MED13L: variants seen among roughly 807,000 people sequenced by gnomAD.
MED13L encodes the protein mediator complex subunit 13L, also known as mediator of RNA polymerase II transcription subunit 13-like.
In MED13L, 7 loss-of-function variants were observed where a neutral mutation model predicts 220.9. The observed-to-expected ratio is 0.03, with a 90% CI of 0.02 to 0.06. MED13L has a LOEUF of 0.06. Ranked by LOEUF, MED13L falls within the 10% of genes least tolerant of loss-of-function variation. The pLI is 1.00. For missense variants in MED13L, 1,965 were observed against 2,760.5 expected (o/e 0.71, Z 6.46); for synonymous variants, 1,011 against 1,015.2 (o/e 1.00, Z 0.08).
At chr12:116,140,921 C>T (rs953546305) in intron 2 of MED13L, among the ~76,000 whole-genome samples, 1 of 152,174 alleles carries the variant, frequency 6.6e-6, no homozygotes, top group Non-Finnish European at 1.5e-5. Context: ...ACTATAAATT[C>T]CTTGTCCAAA....
chr12:116,207,235 G>T (rs80330655), intron 2 of MED13L, among the ~76,000 whole-genome samples: 2 of 151,566 alleles, frequency 1.3e-5, no homozygotes, highest in Non-Finnish European at 2.9e-5. Context: ...TCATGGGCTC[G>T]AAAGATTCTC....
chr12:116,010,250 TC>T (rs1468123064), intron 9 of MED13L, among the ~76,000 whole-genome samples: 1 of 152,116 alleles, frequency 6.6e-6, no homozygotes, highest in Non-Finnish European at 1.5e-5. Flanking sequence ...AAACAAACAC[TC>T]CTGAACTTCT....
rs1882674192 is a variant in MED13L, at chr12:116,211,088, T to C, written c.310+26380A>G. Reference sequence around the variant, plus strand: ...CTTCGTGACACTCTAATTATGCCGCTAGCCAGAAGAAAACTTCCCACTGCA... The same window carrying C: ...CTTCGTGACACTCTAATTATGCCGCCAGCCAGAAGAAAACTTCCCACTGCA... On this transcript the variant is annotated intron_variant, in intron 2 of 30. Transcript: ENST00000281928. 2.0e-5 allele frequency among the ~76,000 whole-genome samples: 3 copies of C among 152,186 alleles called. No homozygotes were observed. In the South Asian group the frequency reaches 6.2e-4, roughly 31 times the overall value.
intron 1 of MED13L, among the ~76,000 whole-genome samples, chr12:116,264,648 G>A (rs1478509395): frequency 3.3e-5 from 5 of 151,862 alleles, no homozygotes; most frequent in African/African-American, 9.7e-5. Context: ...TAACACTATC[G>A]GCTGGGTTTT....
intron 2 of MED13L, among the ~76,000 whole-genome samples, chr12:116,192,556 AG>A (rs1199189673): frequency 9.9e-5 from 15 of 152,242 alleles, no homozygotes; most frequent in African/African-American, 3.6e-4. Flanking sequence ...CTAGGGATGC[AG>A]TGCATCCTTA....
At chr12:116,149,686 G>T (rs1593102552) in intron 2 of MED13L, among the ~76,000 whole-genome samples, 1 of 152,152 alleles carries the variant, frequency 6.6e-6, no homozygotes, top group South Asian at 2.1e-4. Context: ...TAAGTAAACA[G>T]GGAGATTAAG....
intron 2 of MED13L, chr12:116,174,548 C>A (rs1016509213): frequency 6.6e-6 from 1 of 151,574 alleles, no homozygotes. Context: ...AAGGTCAAAG[C>A]ATATCTGACT....
chr12:115,987,352 T>C lies in MED13L; in HGVS notation c.3935-64A>G, dbSNP rs557079711. ...GCTAGCACCCTCCTCTTCCTCACCA[T>C]CACCTCGAGCCTCAGTTATATTCAG... On this transcript the variant is annotated intron_variant, in intron 17 of 30. Transcript: ENST00000281928. 6 of 1,446,362 alleles carry C rather than the reference T, an allele frequency of 4.1e-6. No homozygotes were observed. The East Asian group carries it at 1.2e-4, about 29-fold the overall frequency. The allele number at this position is 1,446,362 out of a possible 1,614,324, so 89.6% of individuals were successfully genotyped here.
intron 21 of MED13L, 53 bp downstream of exon 21, chr12:115,983,064 A>C (rs1353334579): frequency 6.4e-7 from 1 of 1,572,592 alleles, no homozygotes; most frequent in Non-Finnish European, 8.7e-7. Context: ...CAGAAGAAGA[A>C]GAGAGAAAGG....
chr12:116,054,850 C>T (rs1868816620), intron 4 of MED13L, among the ~76,000 whole-genome samples: 1 of 152,144 alleles, frequency 6.6e-6, no homozygotes, highest in Non-Finnish European at 1.5e-5. Context: ...TATTCCACTC[C>T]TAGGTATATA....
At chr12:116,220,436 T>G (rs1206597370) in intron 2 of MED13L, among the ~76,000 whole-genome samples, 3 of 152,150 alleles carry the variant, frequency 2.0e-5, no homozygotes, top group African/African-American at 7.2e-5. Context: ...TGGTGACTCA[T>G]GCCTATAATC....
chr12:116,034,612 G>A (rs966738077), intron 4 of MED13L, among the ~76,000 whole-genome samples: 4 of 152,160 alleles, frequency 2.6e-5, no homozygotes, highest in Non-Finnish European at 5.9e-5. Context: ...ATAGCAGTCC[G>A]ACATCCGTTC....
intron 2 of MED13L, among the ~76,000 whole-genome samples, chr12:116,222,362 C>T (rs796554097): frequency 3.3e-5 from 5 of 152,304 alleles, no homozygotes; most frequent in African/African-American, 1.2e-4. Context: ...ATCTTATGAC[C>T]TCTACCTCTC....
At chr12:116,028,518 C>T (rs1880534158) in intron 4 of MED13L, among the ~76,000 whole-genome samples, 1 of 152,144 alleles carries the variant, frequency 6.6e-6, no homozygotes, top group Non-Finnish European at 1.5e-5. Flanking sequence ...CCTGGTCCTT[C>T]TTCTTAACAT....
intron 2 of MED13L, among the ~76,000 whole-genome samples, chr12:116,186,686 G>A (rs1880925521): frequency 6.6e-6 from 1 of 152,116 alleles, no homozygotes; most frequent in Non-Finnish European, 1.5e-5. Context: ...GTGATACTTG[G>A]TTTACTGCTT....
At chr12:115,986,704 G>T (rs1345997260) in intron 18 of MED13L, among the ~76,000 whole-genome samples, 1 of 152,178 alleles carries the variant, frequency 6.6e-6, no homozygotes, top group Non-Finnish European at 1.5e-5. Flanking sequence ...TAAAGGTTCA[G>T]TAAGATCAGA....
chr12:116,235,103 C>A (rs1245782248), intron 2 of MED13L, among the ~76,000 whole-genome samples: 1 of 152,086 alleles, frequency 6.6e-6, no homozygotes, highest in Non-Finnish European at 1.5e-5. Flanking sequence ...TATCGTATTT[C>A]CCCTTATTTG....
At chr12:116,201,483 T>A (rs528194257) in intron 2 of MED13L, among the ~76,000 whole-genome samples, 1 of 152,222 alleles carries the variant, frequency 6.6e-6, no homozygotes, top group African/African-American at 2.4e-5. Flanking sequence ...CATAAAACAT[T>A]TGATTTTTAA....
At chr12:116,072,449 A>AGTTTTTG (rs1378196524) in intron 4 of MED13L, among the ~76,000 whole-genome samples, 1 of 143,190 alleles carries the variant, frequency 7.0e-6, no homozygotes, top group East Asian at 2.6e-4. Context: ...TTTACAATAC[A>AGTTTTTG]GTTTTTGTTT....
Sources: allele counts gnomAD v4.1 joint callset (sites outside exome capture counted in the v4.1 genomes callset), GRCh38; gene constraint gnomAD v4.1.1; transcripts MANE v1.5; gene names NCBI Gene and HGNC (gene_info 2026-07-23, HGNC 2026-07-21).